Variants in CTNNA3 observed in about 807,000 individuals in gnomAD.
CTNNA3 encodes the protein catenin alpha-3.
Under a neutral mutation model 95.7 loss-of-function variants are expected in CTNNA3, and 76 were observed. That is an observed-to-expected ratio of 0.79 (90% confidence interval 0.66 to 0.96). The LOEUF (loss-of-function observed/expected upper bound fraction) is 0.96. CTNNA3 is among the 40% of genes least tolerant of loss of function. The probability of loss-of-function intolerance (pLI) is 0.00; values close to 1 mark genes in which losing one functional copy is unlikely to be tolerated. For synonymous variants in CTNNA3, 431 were observed against 374.4 expected, an observed-to-expected ratio of 1.15 and a Z score of -1.74; for missense variants, 1,191 against 1,089.8, an observed-to-expected ratio of 1.09 and a Z score of -1.31.
intron 1 of CTNNA3, among the ~76,000 whole-genome samples, chr10:67,726,341 T>C (rs1485043354): frequency 1.8e-5 from 1 of 55,074 alleles, no homozygotes; most frequent in Non-Finnish European, 3.0e-5. Flanking sequence ...ATATTATATA[T>C]AATATATGAT....
At chr10:67,568,182 A>G (rs1203548185) in intron 3 of CTNNA3, among the ~76,000 whole-genome samples, 1 of 149,064 alleles carries the variant, frequency 6.7e-6, no homozygotes. Context: ...CTCTTTCTAC[A>G]TTTTCATAGT....
At chr10:66,187,628 G>T (rs544272966) in intron 13 of CTNNA3, among the ~76,000 whole-genome samples, 40 of 151,966 alleles carry the variant, frequency 2.6e-4, no homozygotes, top group Non-Finnish European at 5.3e-4. Flanking sequence ...ATTGGTTCCA[G>T]CCTGTAAGAA....
chr10:66,286,627 GT>G (rs770666122), intron 12 of CTNNA3, among the ~76,000 whole-genome samples: 20 of 152,168 alleles, frequency 1.3e-4, no homozygotes, highest in Non-Finnish European at 2.9e-4. Flanking sequence ...GAAGTCTAGA[GT>G]AAAAAGGTGC....
intron 7 of CTNNA3, among the ~76,000 whole-genome samples, chr10:67,076,677 G>A (rs1856767593): frequency 6.6e-6 from 1 of 152,176 alleles, no homozygotes; most frequent in Non-Finnish European, 1.5e-5. Context: ...TGGATAGAAT[G>A]AAATTCCAGG....
chr10:67,292,486 A>C (rs1320839263), intron 5 of CTNNA3, among the ~76,000 whole-genome samples: 1 of 152,168 alleles, frequency 6.6e-6, no homozygotes, highest in African/African-American at 2.4e-5. Flanking sequence ...AATGATTGTA[A>C]TATACTGATC....
chr10:67,118,476 TC>T (rs1326980700), intron 7 of CTNNA3, among the ~76,000 whole-genome samples: 1 of 151,954 alleles, frequency 6.6e-6, no homozygotes, highest in African/African-American at 2.4e-5. Context: ...ATGTTGAAGA[TC>T]TCAAAGCTTT....
chr10:66,678,590 GA>G, intron 9 of CTNNA3, among the ~76,000 whole-genome samples: 1 of 152,214 alleles, frequency 6.6e-6, no homozygotes, highest in Non-Finnish European at 1.5e-5. Context: ...AGTTAGACAG[GA>G]AGGGTCACAT....
chr10:66,006,795 T>C (rs7922625), intron 15 of CTNNA3, among the ~76,000 whole-genome samples: 25,345 of 152,182 alleles, frequency 0.17, 3,353 homozygotes, highest in African/African-American at 0.37. Flanking sequence ...CTGACCTTCT[T>C]AAAGCCTACT....
At chr10:65,932,548 C>A (rs1272060728) in intron 17 of CTNNA3, among the ~76,000 whole-genome samples, 2 of 152,064 alleles carry the variant, frequency 1.3e-5, no homozygotes, top group Non-Finnish European at 2.9e-5. Flanking sequence ...CAAGGTAACA[C>A]AGATAGTAAG....
At chr10:67,096,278 A>C (rs2131928435) in intron 7 of CTNNA3, among the ~76,000 whole-genome samples, 1 of 151,998 alleles carries the variant, frequency 6.6e-6, no homozygotes, top group South Asian at 2.1e-4. Context: ...CTGAAGTAGA[A>C]ATACATGTAA....
intron 14 of CTNNA3, among the ~76,000 whole-genome samples, chr10:66,091,996 T>C (rs1313768981): frequency 6.6e-6 from 1 of 151,898 alleles, no homozygotes; most frequent in Non-Finnish European, 1.5e-5. Flanking sequence ...TCAAAATTAA[T>C]TTCTGCTCTT....
At chr10:66,613,026 C>G (rs896410039) in intron 10 of CTNNA3, among the ~76,000 whole-genome samples, 1 of 152,040 alleles carries the variant, frequency 6.6e-6, no homozygotes, top group Non-Finnish European at 1.5e-5. Context: ...GAACATTGTA[C>G]AGGCCAGCAC....
rs1564512771 is a variant in CTNNA3, at chr10:65,916,830, T to C, written c.*3500A>G. 1 of 152,000 alleles carries C rather than the reference T, an allele frequency of 6.6e-6. No individual in the cohort carries two copies. Among genetic ancestry groups the C allele is most frequent in the African/African-American group, 2.4e-5 (1 of 41,378 alleles). 9.4% of individuals were successfully genotyped at this position (152,000 alleles called of 1,614,324 possible). On this transcript the variant is annotated 3_prime_UTR_variant, in exon 18 of 18. Coordinates refer to ENST00000433211, the MANE Select transcript of CTNNA3 (RefSeq NM_013266.4). Reference sequence around the variant, plus strand: ...AGAGGATACCTAGCCCAGAGGTGGGTGAGATGAGAACACCCTCAAAATGAA... The same window carrying C: ...AGAGGATACCTAGCCCAGAGGTGGGCGAGATGAGAACACCCTCAAAATGAA...
At chr10:67,070,258 T>G (rs1856366622) in intron 7 of CTNNA3, among the ~76,000 whole-genome samples, 1 of 152,224 alleles carries the variant, frequency 6.6e-6, no homozygotes, top group Non-Finnish European at 1.5e-5. Flanking sequence ...CTTTTGTCTT[T>G]ATCTTTTTTA....
intron 5 of CTNNA3, among the ~76,000 whole-genome samples, chr10:67,313,411 G>C (rs997237357): frequency 6.6e-6 from 1 of 150,710 alleles, no homozygotes; most frequent in African/African-American, 2.5e-5. Context: ...CAGCCTGGGC[G>C]ACAGAGCGAG....
chr10:65,956,946 T>C (rs1473477770), intron 17 of CTNNA3, among the ~76,000 whole-genome samples: 1 of 152,178 alleles, frequency 6.6e-6, no homozygotes, highest in Non-Finnish European at 1.5e-5. Context: ...ATATCCTTGT[T>C]AACTTTCTGT....
intron 13 of CTNNA3, among the ~76,000 whole-genome samples, chr10:66,199,810 T>TATATAA (rs1564756697): frequency 3.2e-4 from 10 of 31,006 alleles, no homozygotes; most frequent in African/African-American, 9.2e-4. Context: ...TATATATTTT[T>TATATAA]TTTTTTTTTT....
chr10:66,224,257 A>AATC (rs2089139565), intron 13 of CTNNA3, among the ~76,000 whole-genome samples: 1 of 152,030 alleles, frequency 6.6e-6, no homozygotes, highest in Non-Finnish European at 1.5e-5. Flanking sequence ...ATATATAAAC[A>AATC]ATCTCCTACT....
At chr10:67,726,320 T>A (rs1222231278) in intron 1 of CTNNA3, among the ~76,000 whole-genome samples, 4 of 85,788 alleles carry the variant, frequency 4.7e-5, no homozygotes, top group East Asian at 4.4e-4. Context: ...ATATTATATA[T>A]ATTATCTTAC....
Sources: allele counts gnomAD v4.1 joint callset (sites outside exome capture counted in the v4.1 genomes callset), GRCh38; gene constraint gnomAD v4.1.1; transcripts MANE v1.5; gene names NCBI Gene and HGNC (gene_info 2026-07-23, HGNC 2026-07-21).